Variants in TMBIM4 observed in about 807,000 individuals in gnomAD.
The protein encoded by TMBIM4 is protein lifeguard 4.
In TMBIM4, 28 loss-of-function variants were observed where a neutral mutation model predicts 27.7. The observed-to-expected ratio is 1.01, with a 90% CI of 0.75 to 1.38. TMBIM4 has a LOEUF of 1.38. Among genes scored for constraint, TMBIM4 ranks in the 40% most tolerant of loss-of-function variants. TMBIM4 has a pLI of 0.00. For missense variants in TMBIM4, 265 were observed against 277.5 expected (o/e 0.95, Z 0.32); for synonymous variants, 115 against 113.1 (o/e 1.02, Z -0.11).
intron 1 of TMBIM4, chr12:66,160,288 T>A: frequency 1.4e-6 from 1 of 702,370 alleles, no homozygotes; most frequent in Non-Finnish European, 2.6e-6. Flanking sequence ...TTGCTGAAGG[T>A]ACAATCTCTC....
intron 1 of TMBIM4, among the ~76,000 whole-genome samples, chr12:66,168,115 A>T (rs1054602614): frequency 3.3e-5 from 5 of 151,482 alleles, no homozygotes; most frequent in Admixed American, 2.0e-4. Context: ...CAACTACTCG[A>T]GAGGCTGAGG....
chr12:66,147,921 A>G lies in TMBIM4; in HGVS notation c.333T>C (p.Thr111=). 6.2e-7 allele frequency: 1 copy of G among 1,611,960 alleles called. No individual in the cohort carries two copies. Among genetic ancestry groups the G allele is most frequent in the Non-Finnish European group, 8.5e-7 (1 of 1,178,888 alleles). The change falls in exon 4 of 7, where the codon ACT becomes ACC. Residue 111 remains threonine, a synonymous_variant. Transcript: ENST00000358230. ...GTTACGGCTTACCAACAACTGCCACAGTCAGAGCTTCCAACAGCGTCTAAT... is the reference window on the plus strand; with the variant it reads ...GTTACGGCTTACCAACAACTGCCACGGTCAGAGCTTCCAACAGCGTCTAAT... ...LFGFTLLEAL[T]VAVVVTFYDV...
chr12:66,166,492 A>G (rs903740388), intron 1 of TMBIM4, among the ~76,000 whole-genome samples: 2 of 151,692 alleles, frequency 1.3e-5, no homozygotes, highest in African/African-American at 4.8e-5. Flanking sequence ...AAAGAAAAAG[A>G]AAAAGAAAAA....
Position 66,137,627 on chromosome 12 carries a change from C to T in TMBIM4, c.*333G>A. The T allele has an allele frequency of 3.8e-6, 1 of 260,594 alleles. No individual in the cohort carries two copies. 16.1% of individuals were successfully genotyped at this position (260,594 alleles called of 1,614,324 possible). ...GCCAGGATGGTCTCAACCTCTTGAC[C>T]TCGTGATCCACCTGCCTCGGTCTCC... On this transcript the variant is annotated 3_prime_UTR_variant, in exon 7 of 7. Coordinates refer to ENST00000358230, the MANE Select transcript of TMBIM4 (RefSeq NM_016056.4).
At chr12:66,160,722 C>A (rs2052020806) in intron 1 of TMBIM4, among the ~76,000 whole-genome samples, 1 of 152,244 alleles carries the variant, frequency 6.6e-6, no homozygotes, top group Non-Finnish European at 1.5e-5. Flanking sequence ...AAAGATCACA[C>A]ACAAGGCTGT....
At chr12:66,158,762 G>C (rs1445967519) in intron 1 of TMBIM4, among the ~76,000 whole-genome samples, 1 of 152,158 alleles carries the variant, frequency 6.6e-6, no homozygotes, top group Non-Finnish European at 1.5e-5. Flanking sequence ...TTATTGAATG[G>C]AATGAAACCC....
chr12:66,162,074 C>G (rs1182976962), intron 1 of TMBIM4, among the ~76,000 whole-genome samples: 1 of 127,524 alleles, frequency 7.8e-6, no homozygotes, highest in Non-Finnish European at 1.7e-5. Flanking sequence ...TCCCCAACAT[C>G]ACTAAAAAAA....
intron 2 of TMBIM4, 83 bp downstream of exon 2, chr12:66,153,257 A>G: frequency 2.4e-6 from 2 of 830,396 alleles, no homozygotes; most frequent in South Asian, 3.2e-5. Context: ...AAGTTAATAG[A>G]AAAAAGTGGA....
At chr12:66,139,645 T>G (rs2051634736) in intron 5 of TMBIM4, 1 of 455,906 alleles carries the variant, frequency 2.2e-6, no homozygotes, top group Non-Finnish European at 4.4e-6. Context: ...AGCTAGAATT[T>G]GCAGGGCAGA....
chr12:66,141,699 A>G (rs970881128), intron 5 of TMBIM4, among the ~76,000 whole-genome samples: 1 of 152,192 alleles, frequency 6.6e-6, no homozygotes, highest in Non-Finnish European at 1.5e-5. Context: ...TATTAATAAC[A>G]AAATAGATTT....
chr12:66,164,747 T>C (rs1019264760), intron 1 of TMBIM4, among the ~76,000 whole-genome samples: 4 of 152,064 alleles, frequency 2.6e-5, no homozygotes, highest in African/African-American at 9.7e-5. Context: ...CCAGAACAAT[T>C]GGGCAAGAAA....
chr12:66,144,428 T>A (rs898227039), intron 5 of TMBIM4, among the ~76,000 whole-genome samples: 2 of 152,236 alleles, frequency 1.3e-5, no homozygotes, highest in South Asian at 2.1e-4. Context: ...GTAGCTGAAT[T>A]TGCCCAACTA....
At chr12:66,145,275 G>C (rs1291348399) in intron 5 of TMBIM4, 4 of 152,186 alleles carry the variant, frequency 2.6e-5, no homozygotes, top group Admixed American at 2.6e-4. Flanking sequence ...GAAAACGGTT[G>C]GGTGACTGTG....
At chr12:66,152,502 C>G (rs2051862563) in intron 2 of TMBIM4, 126 bp from the exon 3 acceptor site, 1 of 501,936 alleles carries the variant, frequency 2.0e-6, no homozygotes, top group South Asian at 4.2e-5. Flanking sequence ...CTGGAATGAT[C>G]CACACCAAAC....
chr12:66,169,990 C>A lies in TMBIM4; in HGVS notation c.-39G>T, dbSNP rs1253293841. 1.4e-6 allele frequency: 2 copies of A among 1,395,926 alleles called. No homozygotes were observed. The highest frequency in any genetic ancestry group is 9.6e-7 in the Non-Finnish European group (1 of 1,046,654). 86.5% of individuals were successfully genotyped at this position (1,395,926 alleles called of 1,614,324 possible). ...CCCCTACCGGTCCCGGTCCACTAAC[C>A]GCAACCGCCTCCTCCCCACTTCCGC... On this transcript the variant is annotated 5_prime_UTR_variant, in exon 1 of 7. Coordinates refer to ENST00000358230, the MANE Select transcript of TMBIM4 (RefSeq NM_016056.4).
At chr12:66,151,177 G>A (rs2051839252) in intron 3 of TMBIM4, among the ~76,000 whole-genome samples, 1 of 152,048 alleles carries the variant, frequency 6.6e-6, no homozygotes, top group South Asian at 2.1e-4. Flanking sequence ...AAACTTTTTA[G>A]TTTAAAGCAT....
intron 1 of TMBIM4, among the ~76,000 whole-genome samples, chr12:66,158,770 C>T (rs769571213): frequency 3.0e-4 from 45 of 152,210 alleles, no homozygotes; most frequent in Middle Eastern, 3.4e-3. Context: ...TGGAATGAAA[C>T]CCAGTAAGAA....
chr12:66,140,906 A>G (rs1186971854), intron 5 of TMBIM4, among the ~76,000 whole-genome samples: 1 of 152,216 alleles, frequency 6.6e-6, no homozygotes, highest in Non-Finnish European at 1.5e-5. Flanking sequence ...AAACATATAC[A>G]GAGGAATAAA....
chr12:66,142,395 T>G (rs1035081424), intron 5 of TMBIM4, among the ~76,000 whole-genome samples: 2 of 150,328 alleles, frequency 1.3e-5, no homozygotes, highest in African/African-American at 4.9e-5. Context: ...ACTTACAGCA[T>G]CCGAGATATT....
Sources: allele counts gnomAD v4.1 joint callset (sites outside exome capture counted in the v4.1 genomes callset), GRCh38; gene constraint gnomAD v4.1.1; transcripts MANE v1.5; gene names NCBI Gene and HGNC (gene_info 2026-07-23, HGNC 2026-07-21).